Variants in WDR6 observed in about 807,000 individuals in gnomAD.
WDR6 encodes the protein tRNA (34-2'-O)-methyltransferase regulator WDR6.
WDR6 carries 58 observed loss-of-function variants against 85.6 expected under a neutral mutation model. That is an observed-to-expected ratio of 0.68 (90% confidence interval 0.55 to 0.84). The LOEUF is 0.84. WDR6 is among the 40% of genes least tolerant of loss of function. The probability of loss-of-function intolerance (pLI) is 0.00; values close to 1 mark genes in which losing one functional copy is unlikely to be tolerated. For missense variants in WDR6, 1,310 were observed against 1,476.4 expected (o/e 0.89, Z 1.85); for synonymous variants, 569 against 582.2 (o/e 0.98, Z 0.33).
At position 49,014,341 on chromosome 3, in the gene WDR6, G is replaced by C; in HGVS notation, c.2667-42G>C. ...GACAGGAGACAAAGGAAGTAAGGTTGTCTAGGATGCGTTCTGAGCTGGGCC... is the reference window on the plus strand; with the variant it reads ...GACAGGAGACAAAGGAAGTAAGGTTCTCTAGGATGCGTTCTGAGCTGGGCC... On this transcript the variant is annotated intron_variant, in intron 3 of 5. Coordinates refer to ENST00000608424, the MANE Select transcript of WDR6 (RefSeq NM_018031.6). The surrounding 1 kb of genome is among the most constrained non-coding windows in gnomAD (Gnocchi z 4.9). 1 of 1,614,104 alleles carries C rather than the reference G, an allele frequency of 6.2e-7. No individual in the cohort carries two copies. The highest frequency in any genetic ancestry group is 1.1e-5 in the South Asian group (1 of 91,084).
At position 49,012,312 on chromosome 3, in the gene WDR6, C is replaced by T. The variant is rs144741396; in HGVS notation, c.778C>T (p.Arg260Cys). 44 of 1,614,072 alleles carry T rather than the reference C, an allele frequency of 2.7e-5. No homozygotes were observed. The highest frequency in any genetic ancestry group is 3.6e-5 in the Non-Finnish European group (42 of 1,180,044). The change falls in exon 2 of 6, where the codon CGT becomes TGT. Residue 260 changes from arginine to cysteine, a missense_variant. By Grantham distance (180) the Arg-to-Cys change is radical (BLOSUM62 -3). Transcript: ENST00000608424. This position sits in a 1 kb window ranked among gnomAD's most constrained non-coding sequence, Gnocchi z 4.4. ...NIGHCFGHSA[R>C]VWQVKLLENY... is the part of the protein sequence containing the mutation. ...TGGGCACTGCTTTGGGCACAGCGCCCGTGTGTGGCAGGTCAAGCTTCTAGA... is the reference window on the plus strand; with the variant it reads ...TGGGCACTGCTTTGGGCACAGCGCCTGTGTGTGGCAGGTCAAGCTTCTAGA...
In WDR6 at chr3:49,013,549, C is replaced by T; in HGVS notation, c.2015C>T (p.Ala672Val). 6.2e-7 allele frequency: 1 copy of T among 1,614,004 alleles called. No homozygotes were observed. The highest frequency in any genetic ancestry group is 8.5e-7 in the Non-Finnish European group (1 of 1,180,012). ...FSDTEAAMAFAYLKDGDVMLY... is the reference protein window; with the variant it reads ...FSDTEAAMAFVYLKDGDVMLY... ...GATACTGAGGCGGCCATGGCCTTTGCTTACCTCAAGGATGGGGATGTCATG... is the reference window on the plus strand; with the variant it reads ...GATACTGAGGCGGCCATGGCCTTTGTTTACCTCAAGGATGGGGATGTCATG... Residue 672 changes from alanine to valine, a missense_variant, in exon 2 of 6, where the codon GCT (alanine) becomes GTT (valine). Coordinates refer to ENST00000608424, the MANE Select transcript of WDR6 (RefSeq NM_018031.6). The surrounding 1 kb of genome is among the most constrained non-coding windows in gnomAD (Gnocchi z 4.6).
chr3:49,014,469 C>T lies in WDR6; in HGVS notation c.2753C>T (p.Ser918Phe), dbSNP rs1008379019. Residue 918 changes from serine to phenylalanine, a missense_variant, in exon 4 of 6, where the codon TCC (serine) becomes TTC (phenylalanine). Coordinates refer to ENST00000608424, the MANE Select transcript of WDR6 (RefSeq NM_018031.6). The surrounding 1 kb of genome is among the most constrained non-coding windows in gnomAD (Gnocchi z 4.9). Reference protein sequence around the residue: ...HHKRCVLKVHSFTHEAPNQRR... With the variant: ...HHKRCVLKVHFFTHEAPNQRR... The stretch of plus-strand genomic sequence containing the variant: ...AAGCGATGTGTCCTCAAGGTCCACT[C>T]CTTTACACACGAGGCACCCAACCAG... 1.2e-5 allele frequency: 20 copies of T among 1,614,034 alleles called. No homozygotes were observed. The highest frequency in any genetic ancestry group is 2.7e-5 in the African/African-American group (2 of 74,912).
chr3:49,012,697 A>G lies in WDR6; in HGVS notation c.1163A>G (p.Lys388Arg), dbSNP rs1315513646. The change falls in exon 2 of 6, where the codon AAA becomes AGA. Residue 388 changes from lysine (K) to arginine (R), a missense_variant. Transcript: ENST00000608424. This position sits in a 1 kb window ranked among gnomAD's most constrained non-coding sequence, Gnocchi z 4.4. ...VKCWEQLLEDKHFQSYCLLEA... is the reference protein window; with the variant it reads ...VKCWEQLLEDRHFQSYCLLEA... ...TGCTGGGAGCAGCTGCTAGAGGATAAACATTTCCAGTCCTACTGCCTGCTG... is the reference window on the plus strand; with the variant it reads ...TGCTGGGAGCAGCTGCTAGAGGATAGACATTTCCAGTCCTACTGCCTGCTG... 2 of 1,613,844 alleles carry G rather than the reference A, an allele frequency of 1.2e-6. No homozygotes were observed. Among genetic ancestry groups the G allele is most frequent in the Non-Finnish European group, 1.7e-6 (2 of 1,179,942 alleles).
At chr3:49,011,418 CAG>C (rs1425381931) in intron 1 of WDR6, 3 of 1,332,938 alleles carry the variant, frequency 2.3e-6, no homozygotes, top group Admixed American at 2.4e-5. Context: ...TCTTTTGAGA[CAG>C]AGTCTGGCTT....
chr3:49,014,612 G>C lies in WDR6; in HGVS notation c.2796G>C (p.Leu932=). The C allele has an allele frequency of 6.2e-7, 1 of 1,613,630 alleles. No individual in the cohort carries two copies. The highest frequency in any genetic ancestry group is 1.7e-5 in the Admixed American group (1 of 60,012). The change falls in exon 5 of 6, where the codon CTG becomes CTC. Residue 932 remains leucine (L), a synonymous_variant. Coordinates refer to ENST00000608424, the MANE Select transcript of WDR6 (RefSeq NM_018031.6). This position sits in a 1 kb window ranked among gnomAD's most constrained non-coding sequence, Gnocchi z 4.9. ...EAPNQRRRLL[L]CSAATDGSLA... ...TCCTGGCTCTCAGGAGGCTCCTCCT[G>C]TGCAGCGCAGCTACTGATGGCAGCC...
Position 49,012,711 on chromosome 3 carries a change from T to A in WDR6, c.1177T>A (p.Tyr393Asn). 6.2e-7 allele frequency: 1 copy of A among 1,613,988 alleles called. No individual in the cohort carries two copies. The highest frequency in any genetic ancestry group is 8.5e-7 in the Non-Finnish European group (1 of 1,179,984). Residue 393 changes from tyrosine to asparagine, a missense_variant, in exon 2 of 6, where the codon TAC (tyrosine) becomes AAC (asparagine). Coordinates refer to ENST00000608424, the MANE Select transcript of WDR6 (RefSeq NM_018031.6). This position sits in a 1 kb window ranked among gnomAD's most constrained non-coding sequence, Gnocchi z 4.4. ...QLLEDKHFQS[Y>N]CLLEAAPGPE... is the part of the protein sequence containing the mutation. ...GCTAGAGGATAAACATTTCCAGTCC[T>A]ACTGCCTGCTGGAGGCAGCTCCTGG... is the stretch of plus-strand genomic sequence containing the variant.
rs1306959161 is a variant in WDR6, at chr3:49,007,582, C to A, written c.100+51C>A. 2 of 1,543,262 alleles carry A rather than the reference C, an allele frequency of 1.3e-6. No homozygotes were observed. The highest frequency in any genetic ancestry group is 1.4e-5 in the African/African-American group (1 of 73,498). On this transcript the variant is annotated intron_variant, in intron 1 of 5. Coordinates refer to ENST00000608424, the MANE Select transcript of WDR6 (RefSeq NM_018031.6). This position sits in a 1 kb window ranked among gnomAD's most constrained non-coding sequence, Gnocchi z 5.1. Reference sequence around the variant, plus strand: ...GGTGGAAAGGGGGAAAGAAACAGCGCCTCCCAGGGGCGGTGCCACAGGGAC... The same window carrying A: ...GGTGGAAAGGGGGAAAGAAACAGCGACTCCCAGGGGCGGTGCCACAGGGAC...
rs367843788 is a variant in WDR6, at chr3:49,013,805, C to T, written c.2271C>T (p.Leu757=). The T allele has an allele frequency of 1.9e-6, 3 of 1,614,132 alleles. No individual in the cohort carries two copies. The highest frequency in any genetic ancestry group is 2.5e-6 in the Non-Finnish European group (3 of 1,180,010). Residue 757 remains leucine, a synonymous_variant, in exon 2 of 6, where the codon CTC becomes CTT. Transcript: ENST00000608424. This position sits in a 1 kb window ranked among gnomAD's most constrained non-coding sequence, Gnocchi z 4.6. ...ACACTACTGTCTGTGTCCTAGCACTCCCTACAACCACAGGCTCAGCCCACG... is the reference window on the plus strand; with the variant it reads ...ACACTACTGTCTGTGTCCTAGCACTTCCTACAACCACAGGCTCAGCCCACG... The part of the protein sequence containing the change: ...SEDTTVCVLA[L]PTTTGSAHAL...
chr3:49,007,438 G>A lies in WDR6; in HGVS notation c.7G>A (p.Ala3Thr), dbSNP rs986864967. Residue 3 changes from alanine to threonine, a missense_variant, in exon 1 of 6, where the codon GCT becomes ACT. Physicochemically the swap from Ala to Thr is moderately conservative, Grantham distance 58. Coordinates refer to ENST00000608424, the MANE Select transcript of WDR6 (RefSeq NM_018031.6). This position sits in a 1 kb window ranked among gnomAD's most constrained non-coding sequence, Gnocchi z 5.1. The part of the protein sequence containing the change: MD[A>T]LEDYVWPRAT... The stretch of plus-strand genomic sequence containing the variant: ...CAGCACCTCGAGGATCGACATGGAC[G>A]CTCTCGAGGACTACGTTTGGCCGCG... 20 of 1,611,292 alleles carry A rather than the reference G, an allele frequency of 1.2e-5. No homozygotes were observed. The highest frequency in any genetic ancestry group is 1.6e-5 in the Non-Finnish European group (19 of 1,178,796).
At position 49,012,471 on chromosome 3, in the gene WDR6, G is replaced by T; in HGVS notation, c.937G>T (p.Val313Leu). The T allele has an allele frequency of 6.2e-7, 1 of 1,614,200 alleles. No individual in the cohort carries two copies. Among genetic ancestry groups the T allele is most frequent in the Non-Finnish European group, 8.5e-7 (1 of 1,180,036 alleles). Reference sequence around the variant, plus strand: ...AGCTGCCCATGAGAGGCAGGCCTGGGTGATCACTGGGGGTGATGACTCAGG... The same window carrying T: ...AGCTGCCCATGAGAGGCAGGCCTGGTTGATCACTGGGGGTGATGACTCAGG... ...AIAAHERQAW[V>L]ITGGDDSGIR... is the part of the protein sequence containing the mutation. The change falls in exon 2 of 6, where the codon GTG (valine) becomes TTG (leucine). Residue 313 changes from valine to leucine, a missense_variant. Transcript: ENST00000608424. This position sits in a 1 kb window ranked among gnomAD's most constrained non-coding sequence, Gnocchi z 4.4.
intron 1 of WDR6, chr3:49,011,256 T>C: frequency 2.5e-6 from 1 of 397,510 alleles, no homozygotes; most frequent in Non-Finnish European, 4.7e-6. Flanking sequence ...GGCTAATTTT[T>C]TAGTAGAGAT....
At position 49,015,108 on chromosome 3, in the gene WDR6, C is replaced by T; in HGVS notation, c.3186C>T (p.Ala1062=). ...TAAGCCCAAGCATCATGGTCTCAGC[C>T]TCCATTGATCAACGGCTGACCTTCT... The part of the protein sequence containing the change: ...KILSPSIMVS[A]SIDQRLTFWR... The change falls in exon 6 of 6, where the codon GCC becomes GCT. Residue 1062 remains alanine, a synonymous_variant. Transcript: ENST00000608424. 1.2e-6 allele frequency: 2 copies of T among 1,614,112 alleles called. No individual in the cohort carries two copies. The highest frequency in any genetic ancestry group is 1.7e-6 in the Non-Finnish European group (2 of 1,180,026).
Position 49,012,535 on chromosome 3 carries a change from G to A in WDR6, c.1001G>A (p.Gly334Glu), listed in dbSNP as rs1156570985. ...LWHLVGRGYRGLGVSALCFKS... is the reference protein window; with the variant it reads ...LWHLVGRGYRELGVSALCFKS... Reference sequence around the variant, plus strand: ...CACTTGGTAGGGCGTGGGTACCGGGGATTGGGGGTCTCGGCTCTCTGCTTC... The same window carrying A: ...CACTTGGTAGGGCGTGGGTACCGGGAATTGGGGGTCTCGGCTCTCTGCTTC... The change falls in exon 2 of 6, where the codon GGA (glycine) becomes GAA (glutamate). Residue 334 changes from glycine to glutamate, a missense_variant. Physicochemically the swap from Gly to Glu is moderately conservative, Grantham distance 98. Coordinates refer to ENST00000608424, the MANE Select transcript of WDR6 (RefSeq NM_018031.6). This position sits in a 1 kb window ranked among gnomAD's most constrained non-coding sequence, Gnocchi z 4.4. 1 of 1,614,094 alleles carries A rather than the reference G, an allele frequency of 6.2e-7. No homozygotes were observed. Among genetic ancestry groups the A allele is most frequent in the Admixed American group, 1.7e-5 (1 of 60,014 alleles).
In WDR6 at chr3:49,013,324, G is replaced by A. The variant is rs1350358285; in HGVS notation, c.1790G>A (p.Arg597Gln). The A allele has an allele frequency of 5.6e-6, 9 of 1,614,018 alleles. No individual in the cohort carries two copies. Among genetic ancestry groups the A allele is most frequent in the Middle Eastern group, 3.3e-4 (2 of 6,084 alleles). Residue 597 changes from arginine (R) to glutamine (Q), a missense_variant, in exon 2 of 6, where the codon CGA becomes CAA. Arg to Gln is a conservative substitution (Grantham distance 43). Transcript: ENST00000608424. This position sits in a 1 kb window ranked among gnomAD's most constrained non-coding sequence, Gnocchi z 4.6. The part of the protein sequence containing the change: ...RDGAYYQLFV[R>Q]DGQLQPVLRQ... ...GGAGCCTACTACCAGCTGTTTGTAC[G>A]AGACGGCCAGCTCCAGCCAGTCCTA...
Position 49,014,418 on chromosome 3 carries a change from A to G in WDR6, c.2702A>G (p.Gln901Arg). The G allele has an allele frequency of 6.2e-7, 1 of 1,614,118 alleles. No individual in the cohort carries two copies. The highest frequency in any genetic ancestry group is 8.5e-7 in the Non-Finnish European group (1 of 1,180,012). ...FLLQDSGRIL[Q>R]LLAETFHHKR... ...TTGCAGGATTCTGGGCGGATTCTGCAGCTCCTTGCTGAAACCTTCCACCAT... is the reference window on the plus strand; with the variant it reads ...TTGCAGGATTCTGGGCGGATTCTGCGGCTCCTTGCTGAAACCTTCCACCAT... The change falls in exon 4 of 6, where the codon CAG becomes CGG. Residue 901 changes from glutamine (Q) to arginine (R), a missense_variant. Coordinates refer to ENST00000608424, the MANE Select transcript of WDR6 (RefSeq NM_018031.6). This position sits in a 1 kb window ranked among gnomAD's most constrained non-coding sequence, Gnocchi z 4.9.
intron 1 of WDR6, among the ~76,000 whole-genome samples, chr3:49,009,311 A>T (rs377353637): frequency 1.6e-5 from 1 of 62,722 alleles, no homozygotes; most frequent in Non-Finnish European, 3.0e-5. Flanking sequence ...ATTGCTCCCC[A>T]CCCCCCCCCC....
intron 1 of WDR6, among the ~76,000 whole-genome samples, chr3:49,008,620 A>G (rs2092997845): frequency 6.6e-6 from 1 of 151,978 alleles, no homozygotes; most frequent in Non-Finnish European, 1.5e-5. Flanking sequence ...ATTTTGGGGG[A>G]AGGAGGGAAT....
In WDR6 at chr3:49,011,731, A is replaced by G. The variant is rs772207014; in HGVS notation, c.197A>G (p.His66Arg). 1.9e-6 allele frequency: 3 copies of G among 1,614,140 alleles called. No individual in the cohort carries two copies. The highest frequency in any genetic ancestry group is 2.2e-5 in the East Asian group (1 of 44,876). The part of the protein sequence containing the change: ...VQNLLGHYLI[H>R]GFRVRPEPNG... The stretch of plus-strand genomic sequence containing the variant: ...AACCTGCTTGGCCACTATCTTATCC[A>G]TGGCTTCCGGGTACGGCCAGAGCCT... The change falls in exon 2 of 6, where the codon CAT (histidine) becomes CGT (arginine). Residue 66 changes from histidine (H) to arginine (R), a missense_variant. Transcript: ENST00000608424.
Sources: gnomAD v4.1 joint callset for allele counts (sites outside exome capture counted in the v4.1 genomes callset) on GRCh38, gnomAD v4.1.1 for gene constraint, Gnocchi (gnomAD v3.1) non-coding constraint, MANE v1.5 for transcripts, NCBI Gene and HGNC (gene_info 2026-07-23, HGNC 2026-07-21) for gene names.